Variants in LRP1B observed in about 807,000 individuals in gnomAD.
LRP1B encodes low-density lipoprotein receptor-related protein 1B.
A neutral mutation model predicts 556.6 loss-of-function variants in LRP1B; 217 were observed. The ratio of observed to expected loss-of-function variants is 0.39; its 90% CI spans 0.35 to 0.44. The LOEUF (loss-of-function observed/expected upper bound fraction) is 0.44. Ranked by LOEUF, LRP1B falls within the 20% of genes least tolerant of loss-of-function variation. The pLI, the probability that LRP1B is intolerant of heterozygous loss-of-function variation, is 1.00. For synonymous variants in LRP1B, 2,047 were observed against 1,865.8 expected (o/e 1.10, Z -2.50); for missense variants, 5,053 against 5,620.8 (o/e 0.90, Z 3.23).
intron 17 of LRP1B, among the ~76,000 whole-genome samples, chr2:140,985,370 T>C (rs1316875486): frequency 3.3e-5 from 5 of 150,406 alleles, no homozygotes; most frequent in Admixed American, 6.7e-5. Context: ...ATTATACTTA[T>C]CTAGTATGAA....
rs1343324952 is a variant in LRP1B at position 141,381,783 on chromosome 2, A to C, written c.343+98613T>G. The stretch of plus-strand genomic sequence containing the variant: ...AACAAAACAAAACAAAAAACCTGCC[A>C]GCATGGGAAATCTGTCCTTCAAAAG... On this transcript the variant is annotated intron_variant, in intron 3 of 90. Transcript: ENST00000389484. Among the ~76,000 whole-genome samples the C allele has an allele frequency of 2.0e-5, 3 of 152,262 alleles. No individual in the cohort carries two copies. In the East Asian group the frequency reaches 5.8e-4, roughly 29 times the overall value.
chr2:142,074,315 C>T (rs1481939201), intron 1 of LRP1B, among the ~76,000 whole-genome samples: 2 of 152,014 alleles, frequency 1.3e-5, no homozygotes, highest in African/African-American at 4.8e-5. Context: ...TTGGGGTTTC[C>T]ATCTACTTCT....
chr2:141,853,997 A>T (rs2105779194), intron 1 of LRP1B, among the ~76,000 whole-genome samples: 1 of 152,106 alleles, frequency 6.6e-6, no homozygotes, highest in South Asian at 2.1e-4. Context: ...ACCTTAATTA[A>T]AAAATTTCCA....
At chr2:141,755,107 C>A (rs1386239996) in intron 2 of LRP1B, among the ~76,000 whole-genome samples, 2 of 152,138 alleles carry the variant, frequency 1.3e-5, no homozygotes, top group East Asian at 3.9e-4. Flanking sequence ...ATTATAATTT[C>A]TCATTTCTGA....
At chr2:141,338,383 T>C (rs1240210756) in intron 3 of LRP1B, among the ~76,000 whole-genome samples, 3 of 152,158 alleles carry the variant, frequency 2.0e-5, no homozygotes, top group East Asian at 1.9e-4. Context: ...TAGCATGAAC[T>C]AGAGGTTTCT....
intron 1 of LRP1B, among the ~76,000 whole-genome samples, chr2:141,938,725 T>C (rs112276335): frequency 6.6e-6 from 1 of 150,452 alleles, no homozygotes; most frequent in Non-Finnish European, 1.5e-5. Context: ...AAAGACATTG[T>C]TATATATATC....
intron 11 of LRP1B, among the ~76,000 whole-genome samples, chr2:141,031,934 C>T (rs1187940436): frequency 6.6e-6 from 1 of 151,272 alleles, no homozygotes; most frequent in Non-Finnish European, 1.5e-5. Context: ...AAAAAAAAAA[C>T]TTGTATTTAC....
intron 67 of LRP1B, among the ~76,000 whole-genome samples, chr2:140,379,603 G>A (rs1683385402): frequency 6.6e-6 from 1 of 152,156 alleles, no homozygotes; most frequent in African/African-American, 2.4e-5. Flanking sequence ...GCTGAGGTGG[G>A]ATAATTACTT....
In LRP1B at chr2:141,188,517, C is replaced by A. The variant is rs766749470; in HGVS notation, c.917G>T (p.Arg306Leu). 1 of 1,612,692 alleles carries A rather than the reference C, an allele frequency of 6.2e-7. No individual in the cohort carries two copies. The highest frequency in any genetic ancestry group is 8.5e-7 in the Non-Finnish European group (1 of 1,179,212). Residue 306 changes from arginine (R) to leucine (L), a missense_variant, in exon 7 of 91, where the codon CGG (arginine) becomes CTG (leucine). By Grantham distance (102) the Arg-to-Leu change is moderately radical. Around this residue, in one of 5 missense-constraint regions of LRP1B, gnomAD observed 3,619 missense variants for 3,931.9 expected, o/e 0.92. Coordinates refer to ENST00000389484, the MANE Select transcript of LRP1B (RefSeq NM_018557.3). ...ACCGTTGGAATTACAAACAAAGATC[C>A]GGTCACCGACATGGTCCACAAAATA... is the stretch of plus-strand genomic sequence containing the variant. ...NLYFVDHVGDRIFVCNSNGSV... is the reference protein window; with the variant it reads ...NLYFVDHVGDLIFVCNSNGSV...
At chr2:141,624,032 T>TAAAAAAAAAAAAAAAAA (rs761446527) in intron 2 of LRP1B, among the ~76,000 whole-genome samples, 4 of 14,456 alleles carry the variant, frequency 2.8e-4, no homozygotes, top group Non-Finnish European at 3.5e-4. Flanking sequence ...AAAAAAAAAT[T>TAAAAAAAAAAAAAAAAA]AAACAAAAAA....
intron 1 of LRP1B, among the ~76,000 whole-genome samples, chr2:142,043,707 G>A (rs1574626418): frequency 6.6e-6 from 1 of 151,716 alleles, no homozygotes; most frequent in East Asian, 1.9e-4. Flanking sequence ...TCTTACAGGT[G>A]CACAGTTGTC....
chr2:141,524,553 A>G (rs1684631998), intron 2 of LRP1B, among the ~76,000 whole-genome samples: 1 of 152,052 alleles, frequency 6.6e-6, no homozygotes, highest in Non-Finnish European at 1.5e-5. Flanking sequence ...AAAACATTGT[A>G]AGTTTTTTTT....
At position 140,674,100 on chromosome 2, in the gene LRP1B, C is replaced by G. The variant is rs375895680; in HGVS notation, c.6799+26150G>C. Reference sequence around the variant, plus strand: ...AGAAGCTGGGATTACAGGCGCCCACCACCACGCCTGGCTAATTTTTTGTAT... The same window carrying G: ...AGAAGCTGGGATTACAGGCGCCCACGACCACGCCTGGCTAATTTTTTGTAT... On this transcript the variant is annotated intron_variant, in intron 41 of 90. Transcript: ENST00000389484. Among the ~76,000 whole-genome samples the G allele has an allele frequency of 1.8e-4, 28 of 152,052 alleles. No homozygotes were observed. In the East Asian group the frequency reaches 4.5e-3, roughly 24 times the overall value.
At chr2:141,790,727 TTTG>T (rs1695584400) in intron 2 of LRP1B, among the ~76,000 whole-genome samples, 1 of 151,996 alleles carries the variant, frequency 6.6e-6, no homozygotes, top group South Asian at 2.1e-4. Context: ...TCCATATTTT[TTTG>T]TTGTTGTATA....
At chr2:140,404,168 C>CT (rs68017900) in intron 66 of LRP1B, among the ~76,000 whole-genome samples, 6,119 of 92,452 alleles carry the variant, frequency 0.066, 378 homozygotes, top group Non-Finnish European at 0.076. Flanking sequence ...AATAGAACTT[C>CT]TTTTTTTTTT....
intron 3 of LRP1B, among the ~76,000 whole-genome samples, chr2:141,388,414 C>T (rs7602415): frequency 0.013 from 1,909 of 152,012 alleles, 29 homozygotes; most frequent in African/African-American, 0.04. Flanking sequence ...CAAGCCTGGG[C>T]GACAGTGCGA....
intron 41 of LRP1B, among the ~76,000 whole-genome samples, chr2:140,655,746 TC>T (rs1348686588): frequency 1.3e-5 from 2 of 151,990 alleles, no homozygotes; most frequent in Non-Finnish European, 2.9e-5. Flanking sequence ...ATCGAAACCA[TC>T]CTGGCTAACA....
chr2:142,007,766 G>A (rs1702843783), intron 1 of LRP1B, among the ~76,000 whole-genome samples: 1 of 152,088 alleles, frequency 6.6e-6, no homozygotes, highest in Admixed American at 6.5e-5. Context: ...GACTCTGTTG[G>A]AATAATACAA....
At chr2:140,549,307 T>G (rs1007341425) in intron 43 of LRP1B, among the ~76,000 whole-genome samples, 2 of 152,106 alleles carry the variant, frequency 1.3e-5, no homozygotes, top group African/African-American at 4.8e-5. Context: ...AGTGGGAAAA[T>G]AAACAAAATA....
Sources: gnomAD v4.1 joint callset for allele counts (sites outside exome capture counted in the v4.1 genomes callset) on GRCh38, gnomAD v4.1.1 for gene constraint, gnomAD v4.1.1 regional missense constraint, MANE v1.5 for transcripts, NCBI Gene and HGNC (gene_info 2026-07-23, HGNC 2026-07-21) for gene names.